WDFY2: variants seen among roughly 807,000 people sequenced by gnomAD.
WDFY2 encodes WD repeat and FYVE domain-containing protein 2.
A neutral mutation model predicts 56.4 loss-of-function variants in WDFY2; 36 were observed. That is an observed-to-expected ratio of 0.64 (90% confidence interval 0.49 to 0.84). The LOEUF is 0.84. Ranked by LOEUF, WDFY2 falls within the 40% of genes least tolerant of loss-of-function variation. WDFY2 has a pLI of 0.00. For missense variants in WDFY2, 444 were observed against 512.2 expected, an observed-to-expected ratio of 0.87 and a Z score of 1.29; for synonymous variants, 176 against 183.7, an observed-to-expected ratio of 0.96 and a Z score of 0.34.
chr13:51,633,850 G>A (rs1033932226), intron 1 of WDFY2, among the ~76,000 whole-genome samples: 1 of 152,076 alleles, frequency 6.6e-6, no homozygotes, highest in Non-Finnish European at 1.5e-5. Context: ...TTTTTAATAT[G>A]CTAGTTAGTA....
At chr13:51,609,960 T>C (rs1447029416) in intron 1 of WDFY2, among the ~76,000 whole-genome samples, 3 of 152,286 alleles carry the variant, frequency 2.0e-5, no homozygotes, top group East Asian at 3.9e-4. Flanking sequence ...TGCTGATTGG[T>C]CAAAGATGGA....
chr13:51,616,726 TTAAG>T (rs1954623544), intron 1 of WDFY2, among the ~76,000 whole-genome samples: 1 of 152,200 alleles, frequency 6.6e-6, no homozygotes, highest in Non-Finnish European at 1.5e-5. Flanking sequence ...GTGGCTAAAT[TTAAG>T]GAGGCTGGAA....
At chr13:51,694,111 C>G (rs1951809564) in intron 3 of WDFY2, among the ~76,000 whole-genome samples, 1 of 152,136 alleles carries the variant, frequency 6.6e-6, no homozygotes, top group Non-Finnish European at 1.5e-5. Context: ...GAATACAGCA[C>G]ACTGATGGGT....
chr13:51,681,125 G>A (rs763266085), intron 3 of WDFY2, among the ~76,000 whole-genome samples: 3 of 152,136 alleles, frequency 2.0e-5, no homozygotes, highest in Non-Finnish European at 4.4e-5. Context: ...ACGACAAATG[G>A]CCTCTGAATA....
chr13:51,692,784 T>G (rs1446064072), intron 3 of WDFY2, among the ~76,000 whole-genome samples: 1 of 152,228 alleles, frequency 6.6e-6, no homozygotes, highest in Non-Finnish European at 1.5e-5. Flanking sequence ...AGTTCCTCCT[T>G]GTACCGCTGG....
intron 7 of WDFY2, 138 bp downstream of exon 7, chr13:51,739,313 T>G: frequency 9.6e-7 from 1 of 1,042,698 alleles, no homozygotes; most frequent in Non-Finnish European, 1.3e-6. Flanking sequence ...CTGGCCACTT[T>G]GATTTATAAC....
At chr13:51,626,842 G>C (rs1397123737) in intron 1 of WDFY2, among the ~76,000 whole-genome samples, 1 of 152,216 alleles carries the variant, frequency 6.6e-6, no homozygotes, top group Non-Finnish European at 1.5e-5. Context: ...CCTTCTGCCT[G>C]AGTAATGCTC....
chr13:51,629,695 A>G (rs946154357), intron 1 of WDFY2, among the ~76,000 whole-genome samples: 4 of 152,182 alleles, frequency 2.6e-5, no homozygotes, highest in Non-Finnish European at 5.9e-5. Flanking sequence ...TCAAGTTGAA[A>G]TAATTCTAAT....
rs145741406 is a variant in WDFY2 at position 51,585,233 on chromosome 13, C to T, written c.137+409C>T. Among the ~76,000 whole-genome samples, 270 of 152,336 alleles carry T rather than the reference C, an allele frequency of 1.8e-3. 1 individual carries two copies. The highest frequency in any genetic ancestry group is 3.8e-3 in the Admixed American group (58 of 15,306). ...ATAACCAAGGGGTTTGGGGTACTCT[C>T]GTACAGCTCCCAGGGTTTCAAACGG... is the stretch of plus-strand genomic sequence containing the variant. On this transcript the variant is annotated intron_variant, in intron 1 of 11. Transcript: ENST00000298125.
At chr13:51,634,239 T>G (rs895383124) in intron 1 of WDFY2, among the ~76,000 whole-genome samples, 1 of 151,882 alleles carries the variant, frequency 6.6e-6, no homozygotes, top group Non-Finnish European at 1.5e-5. Flanking sequence ...GAACTGATAG[T>G]GTAGTCTTGC....
chr13:51,705,399 C>T (rs1952062005), intron 4 of WDFY2, among the ~76,000 whole-genome samples: 1 of 152,138 alleles, frequency 6.6e-6, no homozygotes, highest in South Asian at 2.1e-4. Flanking sequence ...TAATCTGTTA[C>T]ACAGCAATAG....
At chr13:51,622,853 C>CTTTT (rs59372497) in intron 1 of WDFY2, among the ~76,000 whole-genome samples, 1 of 130,970 alleles carries the variant, frequency 7.6e-6, no homozygotes. Flanking sequence ...TAACTTTACA[C>CTTTT]TTTTTTTTTT....
chr13:51,751,529 G>A (rs1404248346), intron 8 of WDFY2, 114 bp downstream of exon 8: 1 of 1,020,640 alleles, frequency 9.8e-7, no homozygotes, highest in Non-Finnish European at 1.5e-6. Flanking sequence ...TAACGTTAAA[G>A]AATTGTAGCA....
intron 1 of WDFY2, among the ~76,000 whole-genome samples, chr13:51,651,301 C>T (rs1187666369): frequency 6.6e-6 from 1 of 152,092 alleles, no homozygotes; most frequent in Non-Finnish European, 1.5e-5. Flanking sequence ...TGATTCTTCT[C>T]TCTTTTCTTC....
chr13:51,646,929 GTA>G (rs2138416690), intron 1 of WDFY2, among the ~76,000 whole-genome samples: 1 of 152,346 alleles, frequency 6.6e-6, no homozygotes, highest in African/African-American at 2.4e-5. Flanking sequence ...TGGATGGAAA[GTA>G]TTTGGGGGAA....
At chr13:51,612,511 T>C (rs1954522289) in intron 1 of WDFY2, among the ~76,000 whole-genome samples, 1 of 152,248 alleles carries the variant, frequency 6.6e-6, no homozygotes, top group African/African-American at 2.4e-5. Context: ...TACTGTTTTA[T>C]AGGTACACAT....
At chr13:51,732,794 C>G (rs532326959) in intron 6 of WDFY2, among the ~76,000 whole-genome samples, 58 of 152,338 alleles carry the variant, frequency 3.8e-4, no homozygotes, top group African/African-American at 1.4e-3. Flanking sequence ...GTCATCCGCT[C>G]TCTATGTATA....
intron 6 of WDFY2, among the ~76,000 whole-genome samples, chr13:51,736,442 A>G (rs889379189): frequency 6.6e-6 from 1 of 152,134 alleles, no homozygotes; most frequent in Non-Finnish European, 1.5e-5. Context: ...TCCTCATCCC[A>G]TAGTCACCAA....
chr13:51,719,463 G>A, intron 5 of WDFY2, 115 bp downstream of exon 5: 1 of 1,209,216 alleles, frequency 8.3e-7, no homozygotes. Context: ...GTTGCCCAGT[G>A]TGGATTACAA....
Sources: allele counts gnomAD v4.1 joint callset (sites outside exome capture counted in the v4.1 genomes callset), GRCh38; gene constraint gnomAD v4.1.1; transcripts MANE v1.5; gene names NCBI Gene and HGNC (gene_info 2026-07-23, HGNC 2026-07-21).